Variants in LTBP1 observed in about 807,000 individuals in gnomAD.
LTBP1 encodes the protein latent transforming growth factor beta binding protein 1.
Under a neutral mutation model 207.6 loss-of-function variants are expected in LTBP1, and 129 were observed. The observed-to-expected ratio is 0.62, with a 90% CI of 0.54 to 0.72. The LOEUF (loss-of-function observed/expected upper bound fraction) is 0.72. LTBP1 is among the 30% of genes least tolerant of loss of function. The pLI, the probability that LTBP1 is intolerant of heterozygous loss-of-function variation, is 0.00. For missense variants in LTBP1, 2,281 were observed against 2,217.2 expected, an observed-to-expected ratio of 1.03 and a Z score of -0.58; for synonymous variants, 963 against 833.7, an observed-to-expected ratio of 1.16 and a Z score of -2.67.
intron 3 of LTBP1, among the ~76,000 whole-genome samples, chr2:33,069,793 T>C (rs2077696527): frequency 6.6e-6 from 1 of 152,220 alleles, no homozygotes; most frequent in Non-Finnish European, 1.5e-5. Flanking sequence ...TGTGCAATAT[T>C]AATTTCTCTG....
chr2:33,159,816 A>G (rs2084299222), intron 5 of LTBP1, among the ~76,000 whole-genome samples: 1 of 152,212 alleles, frequency 6.6e-6, no homozygotes, highest in South Asian at 2.1e-4. Flanking sequence ...TCTGCATCCC[A>G]AGACCAATGG....
rs944689804 is a variant in LTBP1, at chr2:33,134,315, C to G, written c.1034-478C>G. 2 of 411,222 alleles carry G rather than the reference C, an allele frequency of 4.9e-6. No homozygotes were observed. Among genetic ancestry groups the G allele is most frequent in the South Asian group, 1.8e-5 (1 of 55,102 alleles). The allele number at this position is 411,222 out of a possible 1,614,324, so 25.5% of individuals were successfully genotyped here. On this transcript the variant is annotated intron_variant, in intron 4 of 33. Coordinates refer to ENST00000404816, the MANE Select transcript of LTBP1 (RefSeq NM_206943.4). The surrounding 1 kb of genome is among the most constrained non-coding windows in gnomAD (Gnocchi z 4.4). ...GCATGCCTAAAACATTTCCAGGGGT[C>G]GGGCTGCAAATAGTGACTTAATAAG...
At chr2:33,019,475 C>T (rs1353259728) in intron 2 of LTBP1, among the ~76,000 whole-genome samples, 16 of 151,634 alleles carry the variant, frequency 1.1e-4, no homozygotes, top group Non-Finnish European at 2.2e-4. Context: ...ACTGGGATTA[C>T]AGGCCCCTGC....
intron 3 of LTBP1, among the ~76,000 whole-genome samples, chr2:33,033,926 T>C (rs909322586): frequency 2.6e-5 from 4 of 152,148 alleles, no homozygotes; most frequent in Admixed American, 6.5e-5. Context: ...TCAGGAGTTA[T>C]CGATGTGATG....
At chr2:33,378,379 C>T (rs895179265) in intron 31 of LTBP1, among the ~76,000 whole-genome samples, 21 of 152,020 alleles carry the variant, frequency 1.4e-4, no homozygotes, top group Admixed American at 1.2e-3. Context: ...GCTCACACCA[C>T]CACACCTGGC....
chr2:33,047,729 A>C (rs2076517751), intron 3 of LTBP1, among the ~76,000 whole-genome samples: 1 of 152,150 alleles, frequency 6.6e-6, no homozygotes, highest in Admixed American at 6.5e-5. Flanking sequence ...AAAGTCTCCC[A>C]CTATTATTGT....
intron 2 of LTBP1, among the ~76,000 whole-genome samples, chr2:32,976,669 T>C (rs1681837715): frequency 6.6e-6 from 1 of 152,132 alleles, no homozygotes; most frequent in African/African-American, 2.4e-5. Flanking sequence ...GTGCTTGCAT[T>C]TCTTTTGTTA....
intron 5 of LTBP1, among the ~76,000 whole-genome samples, chr2:33,165,936 C>G (rs961239): frequency 0.56 from 84,989 of 151,876 alleles, 23,962 homozygotes; most frequent in Middle Eastern, 0.65. Context: ...CCTATTAGTA[C>G]AATTAAAGGT....
At chr2:33,332,372 C>CAAA (rs745342264) in intron 24 of LTBP1, among the ~76,000 whole-genome samples, 42 of 52,476 alleles carry the variant, frequency 8.0e-4, no homozygotes, top group Non-Finnish European at 9.7e-4. Flanking sequence ...ACACCATCTC[C>CAAA]AAAAAAAAAA....
intron 23 of LTBP1, among the ~76,000 whole-genome samples, chr2:33,309,820 A>G (rs2094155013): frequency 6.6e-6 from 1 of 152,082 alleles, no homozygotes; most frequent in Non-Finnish European, 1.5e-5. Flanking sequence ...TGTTTATTCC[A>G]TGCTGTAACC....
chr2:33,215,863 G>C (rs967899748), intron 7 of LTBP1, among the ~76,000 whole-genome samples: 20 of 152,000 alleles, frequency 1.3e-4, no homozygotes, highest in Non-Finnish European at 8.8e-5. Flanking sequence ...CTAGAGGCAC[G>C]CACCACCACG....
intron 9 of LTBP1, among the ~76,000 whole-genome samples, chr2:33,232,082 A>G (rs2091820818): frequency 6.6e-6 from 1 of 152,028 alleles, no homozygotes; most frequent in Non-Finnish European, 1.5e-5. Flanking sequence ...TGGATGAAAA[A>G]TTACTAAGAG....
At chr2:33,044,558 A>T (rs1211325109) in intron 3 of LTBP1, among the ~76,000 whole-genome samples, 1 of 152,202 alleles carries the variant, frequency 6.6e-6, no homozygotes, top group Non-Finnish European at 1.5e-5. Context: ...TATTGTGAAC[A>T]GTGCTGCAAT....
chr2:33,186,696 C>G (rs1224711444), intron 5 of LTBP1, among the ~76,000 whole-genome samples, 160 bp from the exon 6 acceptor site: 1 of 152,200 alleles, frequency 6.6e-6, no homozygotes, highest in Non-Finnish European at 1.5e-5. Flanking sequence ...ACGGAGACTA[C>G]TTTTGGCATA....
intron 6 of LTBP1, among the ~76,000 whole-genome samples, chr2:33,188,235 ACG>A (rs1436641625): frequency 6.6e-6 from 1 of 152,110 alleles, no homozygotes; most frequent in African/African-American, 2.4e-5. Context: ...AGCCTGGCCA[ACG>A]TGGTGAAACC....
intron 2 of LTBP1, among the ~76,000 whole-genome samples, chr2:33,005,279 C>T (rs984762397): frequency 2.0e-4 from 30 of 152,180 alleles, no homozygotes; most frequent in Admixed American, 4.6e-4. Flanking sequence ...TCAGCGTGGA[C>T]GGCTTGACTG....
chr2:33,142,567 T>C (rs1377236621), intron 5 of LTBP1, among the ~76,000 whole-genome samples: 4 of 152,106 alleles, frequency 2.6e-5, no homozygotes, highest in African/African-American at 9.7e-5. Flanking sequence ...GGGCAATAGG[T>C]TGACCTTAAG....
intron 9 of LTBP1, among the ~76,000 whole-genome samples, chr2:33,229,876 A>AC (rs1180118515): frequency 2.0e-5 from 3 of 152,342 alleles, no homozygotes; most frequent in Non-Finnish European, 4.4e-5. Flanking sequence ...AAGTGAAGTA[A>AC]CACACAAAAT....
intron 24 of LTBP1, among the ~76,000 whole-genome samples, chr2:33,319,528 C>G (rs1335230186): frequency 6.6e-6 from 1 of 152,004 alleles, no homozygotes; most frequent in Non-Finnish European, 1.5e-5. Context: ...TAGGGGTCAC[C>G]ACGTCTGTCC....
Sources: gnomAD v4.1 joint callset for allele counts (sites outside exome capture counted in the v4.1 genomes callset) on GRCh38, gnomAD v4.1.1 for gene constraint, Gnocchi (gnomAD v3.1) non-coding constraint, MANE v1.5 for transcripts, NCBI Gene and HGNC (gene_info 2026-07-23, HGNC 2026-07-21) for gene names.